HPSE2: variants seen among roughly 807,000 people sequenced by gnomAD.
HPSE2 encodes heparanase 2 (inactive), also known as inactive heparanase-2.
HPSE2 carries 38 observed loss-of-function variants against 60.5 expected under a neutral mutation model. The ratio of observed to expected loss-of-function variants is 0.63; its 90% confidence interval spans 0.48 to 0.82. The LOEUF is 0.82. Among genes scored for constraint, HPSE2 ranks in the 40% least tolerant of loss-of-function variants. HPSE2 has a pLI of 0.00. For synonymous variants in HPSE2, 295 were observed against 293.2 expected, an observed-to-expected ratio of 1.01 and a Z score of -0.06; for missense variants, 713 against 740.4, an observed-to-expected ratio of 0.96 and a Z score of 0.43.
intron 9 of HPSE2, among the ~76,000 whole-genome samples, chr10:98,613,366 G>T (rs1319604066): frequency 6.6e-6 from 1 of 152,168 alleles, no homozygotes; most frequent in Non-Finnish European, 1.5e-5. Flanking sequence ...TCCCACACAT[G>T]TATCTTGGGA....
intron 3 of HPSE2, among the ~76,000 whole-genome samples, chr10:99,119,355 G>T (rs1291412430): frequency 6.6e-6 from 1 of 152,022 alleles, no homozygotes; most frequent in Non-Finnish European, 1.5e-5. Context: ...GCCACAAAAA[G>T]AATAAAATAC....
chr10:99,269,183 C>T, the HPSE2 span, among the ~76,000 whole-genome samples: 7 of 151,756 alleles, frequency 4.6e-5, no homozygotes, highest in African/African-American at 1.7e-4. Flanking sequence ...ATTCACCAAT[C>T]GAGTATCTGC....
the HPSE2 span, among the ~76,000 whole-genome samples, chr10:99,245,791 A>C: frequency 6.6e-6 from 1 of 152,238 alleles, no homozygotes; most frequent in Non-Finnish European, 1.5e-5. Context: ...AAACTCCAGT[A>C]GTAAAATTTG....
intron 9 of HPSE2, among the ~76,000 whole-genome samples, chr10:98,501,272 T>G: frequency 6.6e-6 from 1 of 152,148 alleles, no homozygotes; most frequent in East Asian, 1.9e-4. Flanking sequence ...ATATCCTTGA[T>G]GAACATAGAT....
At chr10:99,053,793 A>G (rs986574856) in intron 3 of HPSE2, among the ~76,000 whole-genome samples, 3 of 137,644 alleles carry the variant, frequency 2.2e-5, no homozygotes, top group African/African-American at 8.4e-5. Flanking sequence ...CAGTGGTACA[A>G]TCTTGGTTCA....
At chr10:99,058,257 G>A (rs1958157646) in intron 3 of HPSE2, among the ~76,000 whole-genome samples, 1 of 152,196 alleles carries the variant, frequency 6.6e-6, no homozygotes, top group Admixed American at 6.5e-5. Context: ...TGCCAGTAGA[G>A]ATGAGAAAAG....
At chr10:99,167,887 C>T (rs1476454918) in intron 2 of HPSE2, among the ~76,000 whole-genome samples, 2 of 152,028 alleles carry the variant, frequency 1.3e-5, no homozygotes, top group Non-Finnish European at 2.9e-5. Flanking sequence ...TTTTGTCTCT[C>T]TCTCTCTCTC....
At chr10:98,657,250 C>G (rs1357150422) in intron 6 of HPSE2, among the ~76,000 whole-genome samples, 2 of 147,868 alleles carry the variant, frequency 1.4e-5, no homozygotes, top group Non-Finnish European at 3.0e-5. Flanking sequence ...AAACTATATA[C>G]TTAGCCCTTA....
chr10:98,975,351 C>A (rs1199909402), intron 3 of HPSE2, among the ~76,000 whole-genome samples: 1 of 152,116 alleles, frequency 6.6e-6, no homozygotes, highest in African/African-American at 2.4e-5. Flanking sequence ...TTCTTCTTGG[C>A]TATTTCTATT....
chr10:98,720,373 T>C (rs974892136), intron 5 of HPSE2, among the ~76,000 whole-genome samples: 4 of 152,100 alleles, frequency 2.6e-5, no homozygotes, highest in African/African-American at 9.7e-5. Context: ...GATTTGAAAA[T>C]GCTGAGTTAT....
intron 7 of HPSE2, among the ~76,000 whole-genome samples, chr10:98,621,060 T>C (rs1326611229): frequency 6.6e-6 from 1 of 152,082 alleles, no homozygotes; most frequent in Non-Finnish European, 1.5e-5. Flanking sequence ...TGAGAAACAA[T>C]GCTTTTCAGT....
chr10:99,100,814 C>T (rs990877043), intron 3 of HPSE2, among the ~76,000 whole-genome samples: 2 of 152,162 alleles, frequency 1.3e-5, no homozygotes, highest in Non-Finnish European at 2.9e-5. Flanking sequence ...CTCTACAAGC[C>T]AGAAGAGAGT....
At chr10:99,117,113 G>A (rs1589682968) in intron 3 of HPSE2, among the ~76,000 whole-genome samples, 2 of 151,764 alleles carry the variant, frequency 1.3e-5, no homozygotes, top group Non-Finnish European at 2.9e-5. Context: ...CATGACAAAA[G>A]ATTTCTATCC....
the HPSE2 span, among the ~76,000 whole-genome samples, chr10:99,244,568 AT>A: frequency 4.7e-4 from 35 of 73,732 alleles, no homozygotes; most frequent in African/African-American, 1.2e-3. Flanking sequence ...CTATGCCTGG[AT>A]TTTTTTTTTT....
the HPSE2 span, among the ~76,000 whole-genome samples, chr10:99,293,650 C>T: frequency 3.3e-5 from 5 of 151,996 alleles, no homozygotes; most frequent in African/African-American, 1.2e-4. Flanking sequence ...CAGACACTGG[C>T]GAAGCTTTTC....
chr10:98,789,734 T>C (rs1373287476), intron 3 of HPSE2, among the ~76,000 whole-genome samples: 1 of 152,178 alleles, frequency 6.6e-6, no homozygotes, highest in East Asian at 1.9e-4. Flanking sequence ...AAGTACTTTT[T>C]TTAAGGGAAA....
intron 3 of HPSE2, among the ~76,000 whole-genome samples, chr10:99,026,389 T>A (rs1021182429): frequency 6.6e-6 from 1 of 151,920 alleles, no homozygotes; most frequent in Non-Finnish European, 1.5e-5. Flanking sequence ...TATATAATGA[T>A]TAAGGGGTCA....
At chr10:99,169,539 A>G (rs1166569089) in intron 2 of HPSE2, among the ~76,000 whole-genome samples, 1 of 120,640 alleles carries the variant, frequency 8.3e-6, no homozygotes, top group East Asian at 2.4e-4. Context: ...AAAAAAAAAA[A>G]AAAAAAAAAA....
At chr10:98,871,861 GA>G (rs1564624081) in intron 3 of HPSE2, among the ~76,000 whole-genome samples, 1 of 152,100 alleles carries the variant, frequency 6.6e-6, no homozygotes, top group Non-Finnish European at 1.5e-5. Flanking sequence ...TATCTACTGT[GA>G]AAACAGCCTC....
Sources: gnomAD v4.1 joint callset for allele counts (sites outside exome capture counted in the v4.1 genomes callset) on GRCh38, gnomAD v4.1.1 for gene constraint, MANE v1.5 for transcripts, NCBI Gene and HGNC (gene_info 2026-07-23, HGNC 2026-07-21) for gene names.